The following PDE7A variants were observed in gnomAD, a reference collection of about 807,000 sequenced individuals.
PDE7A encodes high affinity 3',5'-cyclic-AMP phosphodiesterase 7A.
PDE7A carries 39 observed loss-of-function variants against 64.3 expected under a neutral mutation model. The observed-to-expected ratio is 0.61, with a 90% confidence interval of 0.47 to 0.79. The LOEUF (loss-of-function observed/expected upper bound fraction) is 0.79. PDE7A is among the 30% of genes least tolerant of loss of function. The pLI, the probability that PDE7A is intolerant of heterozygous loss-of-function variation, is 0.00. For missense variants in PDE7A, 470 were observed against 582.8 expected (o/e 0.81, Z 1.99); for synonymous variants, 203 against 206.8 (o/e 0.98, Z 0.16).
chr8:65,781,329 A>C (rs1236465080), intron 2 of PDE7A, among the ~76,000 whole-genome samples: 2 of 145,846 alleles, frequency 1.4e-5, no homozygotes, highest in African/African-American at 2.6e-5. Flanking sequence ...AAGGTGAGTG[A>C]GGGGAACTGG....
At chr8:65,831,269 T>C (rs537204486) in intron 1 of PDE7A, among the ~76,000 whole-genome samples, 6 of 152,254 alleles carry the variant, frequency 3.9e-5, no homozygotes, top group African/African-American at 1.4e-4. Context: ...GAACTCTACA[T>C]ATTCGAAGTA....
intron 1 of PDE7A, among the ~76,000 whole-genome samples, chr8:65,822,621 G>A (rs1810569808): frequency 2.0e-5 from 3 of 152,232 alleles, no homozygotes; most frequent in African/African-American, 7.2e-5. Context: ...GACAAGGTCA[G>A]CTGTGCTAAG....
rs756806538 is a variant in PDE7A, at chr8:65,747,801, G to C, written c.286C>G (p.Gln96Glu). Residue 96 changes from glutamine to glutamate, a missense_variant and splice_region_variant, in exon 4 of 13, where the codon CAA (glutamine) becomes GAA (glutamate). Physicochemically the swap from Gln to Glu is conservative, Grantham distance 29. Transcript: ENST00000401827. Reference protein sequence around the residue: ...PYIDFRIFHSQSEIEVSVSAR... With the variant: ...PYIDFRIFHSESEIEVSVSAR... ...GAGACAGACACTTCAATTTCAGATTGAGCTGAAATAAAAAGAATAAAAGGT... is the reference window on the plus strand; with the variant it reads ...GAGACAGACACTTCAATTTCAGATTCAGCTGAAATAAAAAGAATAAAAGGT... The C allele has an allele frequency of 6.9e-6, 11 of 1,596,780 alleles. No homozygotes were observed. Among genetic ancestry groups the C allele is most frequent in the Admixed American group, 5.2e-5 (3 of 58,158 alleles).
chr8:65,722,647 T>G (rs560560870), intron 12 of PDE7A: 1 of 152,396 alleles, frequency 6.6e-6, no homozygotes, highest in East Asian at 1.9e-4. Flanking sequence ...CTAGTCAACT[T>G]TCCTGTGAAC....
rs376179648 is a variant in PDE7A at position 65,719,370 on chromosome 8, C to G, written c.1369G>C (p.Glu457Gln). ...TCAGTGTCCTCACTGCTCGACTGTT[C>G]TCTCTGCAGTCCCTTCCAGCTGGCT... The part of the protein sequence containing the change: ...NKASWKGLQR[E>Q]QSSSEDTDAA... The change falls in exon 13 of 13, where the codon GAA becomes CAA. Residue 457 changes from glutamate (E) to glutamine (Q), a missense_variant. Glu to Gln is a conservative substitution (Grantham distance 29, BLOSUM62 2). Coordinates refer to ENST00000401827, the MANE Select transcript of PDE7A (RefSeq NM_001242318.3). The G allele has an allele frequency of 1.8e-5, 29 of 1,613,886 alleles. No homozygotes were observed. The highest frequency in any genetic ancestry group is 2.5e-5 in the Non-Finnish European group (29 of 1,179,836).
chr8:65,755,786 ATTTC>A (rs1352124125), intron 3 of PDE7A, among the ~76,000 whole-genome samples: 1 of 152,044 alleles, frequency 6.6e-6, no homozygotes. Context: ...TCCCTTTAGC[ATTTC>A]TTTCTTATTC....
intron 3 of PDE7A, among the ~76,000 whole-genome samples, chr8:65,757,794 T>G (rs1313395542): frequency 6.6e-6 from 1 of 152,098 alleles, no homozygotes; most frequent in Non-Finnish European, 1.5e-5. Context: ...AACTTTTGCA[T>G]TTTTAGTAGA....
At chr8:65,763,363 C>T (rs184277503) in intron 3 of PDE7A, among the ~76,000 whole-genome samples, 2,025 of 152,126 alleles carry the variant, frequency 0.013, 29 homozygotes, top group South Asian at 0.066. Context: ...GTCAGAAGTT[C>T]GAGACCAGCC....
At chr8:65,820,565 C>G (rs761767738) in intron 1 of PDE7A, among the ~76,000 whole-genome samples, 1 of 152,016 alleles carries the variant, frequency 6.6e-6, no homozygotes, top group African/African-American at 2.4e-5. Context: ...GTTTAAATTA[C>G]TTTGACAATT....
At chr8:65,837,752 T>C (rs541017427) in intron 1 of PDE7A, among the ~76,000 whole-genome samples, 26 of 152,338 alleles carry the variant, frequency 1.7e-4, no homozygotes, top group African/African-American at 6.0e-4. Context: ...CAGTAAACAG[T>C]ACAACATACC....
At chr8:65,797,581 CTTTGT>C (rs1265384426) in intron 1 of PDE7A, among the ~76,000 whole-genome samples, 2 of 152,178 alleles carry the variant, frequency 1.3e-5, no homozygotes, top group African/African-American at 2.4e-5. Flanking sequence ...GGTTTTGATA[CTTTGT>C]TTTAACAGCC....
chr8:65,782,944 T>TGC (rs1809456814), intron 1 of PDE7A, 101 bp from the exon 2 acceptor site: 1 of 712,374 alleles, frequency 1.4e-6, no homozygotes, highest in Non-Finnish European at 2.4e-6. Flanking sequence ...TGAAGCACTG[T>TGC]GCAAGAGAAG....
intron 1 of PDE7A, among the ~76,000 whole-genome samples, chr8:65,819,885 T>C (rs1012613238): frequency 2.0e-5 from 3 of 152,140 alleles, no homozygotes; most frequent in Admixed American, 6.5e-5. Context: ...GTAAAAGAAA[T>C]AGCAGAACTT....
At chr8:65,748,365 G>A (rs1430474930) in intron 3 of PDE7A, among the ~76,000 whole-genome samples, 1 of 152,188 alleles carries the variant, frequency 6.6e-6, no homozygotes, top group East Asian at 1.9e-4. Context: ...GTGTTCTAAA[G>A]GATAGGGATA....
At chr8:65,831,271 T>A (rs1205714078) in intron 1 of PDE7A, among the ~76,000 whole-genome samples, 1 of 152,138 alleles carries the variant, frequency 6.6e-6, no homozygotes, top group Non-Finnish European at 1.5e-5. Flanking sequence ...ACTCTACATA[T>A]TCGAAGTAAA....
intron 1 of PDE7A, among the ~76,000 whole-genome samples, chr8:65,840,423 C>CACACAT (rs1554572980): frequency 0.08 from 12,130 of 151,284 alleles, 1,134 homozygotes; most frequent in African/African-American, 0.23. Context: ...CACACACACA[C>CACACAT]ACACACACCT....
chr8:65,810,226 T>C (rs906634682), intron 1 of PDE7A, among the ~76,000 whole-genome samples: 1 of 152,122 alleles, frequency 6.6e-6, no homozygotes, highest in African/African-American at 2.4e-5. Flanking sequence ...AAACCATCAT[T>C]CTGAGTAAAC....
chr8:65,746,900 T>C (rs930206782), intron 4 of PDE7A, among the ~76,000 whole-genome samples: 1 of 152,204 alleles, frequency 6.6e-6, no homozygotes, highest in Non-Finnish European at 1.5e-5. Context: ...TAAAAACTTA[T>C]CTACACAAAC....
intron 1 of PDE7A, among the ~76,000 whole-genome samples, chr8:65,807,509 G>T (rs1033753840): frequency 1.3e-5 from 2 of 151,024 alleles, no homozygotes; most frequent in South Asian, 4.2e-4. Context: ...TTCCAATCTG[G>T]ATGTTTTTTT....
Sources: allele counts gnomAD v4.1 joint callset (sites outside exome capture counted in the v4.1 genomes callset), GRCh38; gene constraint gnomAD v4.1.1; transcripts MANE v1.5; gene names NCBI Gene and HGNC (gene_info 2026-07-23, HGNC 2026-07-21).